NFS1: variants seen among roughly 807,000 people sequenced by gnomAD.
NFS1 encodes the protein cysteine desulfurase.
A neutral mutation model predicts 57.3 loss-of-function variants in NFS1; 26 were observed. The observed-to-expected ratio is 0.45, with a 90% CI of 0.33 to 0.63. The LOEUF is 0.63. Ranked by LOEUF, NFS1 falls within the 20% of genes least tolerant of loss-of-function variation. The pLI is 0.02. For synonymous variants in NFS1, 209 were observed against 216.3 expected, an observed-to-expected ratio of 0.97 and a Z score of 0.30; for missense variants, 505 against 605.8, an observed-to-expected ratio of 0.83 and a Z score of 1.75.
At chr20:35,678,072 G>A (rs575756377) in intron 7 of NFS1, among the ~76,000 whole-genome samples, 9 of 151,952 alleles carry the variant, frequency 5.9e-5, no homozygotes, top group Non-Finnish European at 1.0e-4. Flanking sequence ...AAATTAGGCC[G>A]GGTGTGGTGG....
In NFS1 at chr20:35,684,435, T is replaced by C. The variant is rs573145913; in HGVS notation, c.562-2454A>G. ...ATAAATAAAATAAAATAAAATAAAA[T>C]AAAATAAAATAAAATAAAATAAAAT... On this transcript the variant is annotated intron_variant, in intron 5 of 12. Coordinates refer to ENST00000374092, the MANE Select transcript of NFS1 (RefSeq NM_021100.5). Among the ~76,000 whole-genome samples, 59 of 132,022 alleles carry C rather than the reference T, an allele frequency of 4.5e-4. No individual in the cohort carries two copies. The South Asian group carries it at 0.013, about 30-fold the overall frequency. The allele number at this position is 132,022 out of a possible 152,430, so 86.6% of individuals were successfully genotyped here. A position where few individuals can be genotyped will look rare whatever the true frequency, so the allele number is the denominator to read the frequency against.
At chr20:35,698,675 G>A in intron 1 of NFS1, 85 bp from the exon 2 acceptor site, 1 of 1,482,812 alleles carries the variant, frequency 6.7e-7, no homozygotes, top group Non-Finnish European at 9.0e-7. Context: ...GGAAAAATCT[G>A]GCTGGAGGTG....
rs7267759 is a variant in NFS1 at position 35,669,362 on chromosome 20, G to T, written c.*260C>A. ...AGATGTGCCCAGCAGCAATATGACA[G>T]CAAATGTCTCTATGGCTTCGGGATG... On this transcript the variant is annotated 3_prime_UTR_variant, in exon 13 of 13. Transcript: ENST00000374092. The T allele has an allele frequency of 0.1, 38,195 of 382,406 alleles. 2,073 individuals are homozygous for T. Among genetic ancestry groups the T allele is most frequent in the South Asian group, 0.15 (3,529 of 23,570 alleles). The allele number at this position is 382,406 out of a possible 1,614,324, so 23.7% of individuals were successfully genotyped here.
At chr20:35,676,758 G>GAAAAAAAAAAAAAAAAAAA (rs746820595) in intron 7 of NFS1, among the ~76,000 whole-genome samples, 8 of 18,136 alleles carry the variant, frequency 4.4e-4, no homozygotes, top group Admixed American at 1.8e-3. Flanking sequence ...GAGAAAATCA[G>GAAAAAAAAAAAAAAAAAAA]AAAAAAAAAA....
At chr20:35,689,036 A>G (rs2034994387) in intron 5 of NFS1, among the ~76,000 whole-genome samples, 1 of 152,222 alleles carries the variant, frequency 6.6e-6, no homozygotes, top group Non-Finnish European at 1.5e-5. Context: ...GGTGGATAAG[A>G]TTCAAGAAAA....
In NFS1 at chr20:35,699,341, G is replaced by A; in HGVS notation, c.-53C>T. 4.3e-6 allele frequency: 6 copies of A among 1,384,704 alleles called. No individual in the cohort carries two copies. Among genetic ancestry groups the A allele is most frequent in the Non-Finnish European group, 5.6e-6 (6 of 1,068,108 alleles). 85.8% of individuals were successfully genotyped at this position (1,384,704 alleles called of 1,614,324 possible). On this transcript the variant is annotated 5_prime_UTR_variant, in exon 1 of 13. Coordinates refer to ENST00000374092, the MANE Select transcript of NFS1 (RefSeq NM_021100.5). The surrounding 1 kb of genome is among the most constrained non-coding windows in gnomAD (Gnocchi z 4.4). ...AAGCCGCTGCAGTCCTGGGCCCCAGGCTCCCGGAAGTGCTGCCCGGCGCTC... is the reference window on the plus strand; with the variant it reads ...AAGCCGCTGCAGTCCTGGGCCCCAGACTCCCGGAAGTGCTGCCCGGCGCTC...
At chr20:35,676,928 A>C (rs2034762899) in intron 7 of NFS1, among the ~76,000 whole-genome samples, 1 of 151,376 alleles carries the variant, frequency 6.6e-6, no homozygotes, top group Non-Finnish European at 1.5e-5. Context: ...GTGCAATGGC[A>C]CGGTCTCAGC....
At chr20:35,671,199 G>A (rs2034648420) in intron 12 of NFS1, among the ~76,000 whole-genome samples, 1 of 152,210 alleles carries the variant, frequency 6.6e-6, no homozygotes, top group South Asian at 2.1e-4. Context: ...TGCCTCCTGG[G>A]TTCACGCCAT....
chr20:35,697,566 T>C (rs768754347), intron 3 of NFS1, 118 bp downstream of exon 3: 2 of 638,350 alleles, frequency 3.1e-6, no homozygotes, highest in Non-Finnish European at 5.4e-6. Context: ...TTTGAATCTC[T>C]TCCAGAAAGA....
At chr20:35,671,723 C>T (rs1016752374) in intron 12 of NFS1, among the ~76,000 whole-genome samples, 3 of 152,012 alleles carry the variant, frequency 2.0e-5, no homozygotes, top group African/African-American at 4.8e-5. Context: ...AACTCCGTCT[C>T]TACAAAAAAT....
intron 4 of NFS1, among the ~76,000 whole-genome samples, chr20:35,691,859 A>T (rs1479061529): frequency 6.7e-6 from 1 of 149,010 alleles, no homozygotes; most frequent in East Asian, 2.0e-4. Flanking sequence ...GACCAGCCTG[A>T]CGAACATGGT....
chr20:35,682,040 A>C, intron 5 of NFS1, 59 bp from the exon 6 acceptor site: 1 of 937,940 alleles, frequency 1.1e-6, no homozygotes, highest in East Asian at 2.5e-5. Flanking sequence ...CCTAAATCAG[A>C]ATATAGGCAA....
chr20:35,683,582 C>T (rs1384199296), intron 5 of NFS1, among the ~76,000 whole-genome samples: 1 of 151,746 alleles, frequency 6.6e-6, no homozygotes, highest in Admixed American at 6.6e-5. Flanking sequence ...AGATCGAGAC[C>T]ATCCTGGCTA....
intron 3 of NFS1, among the ~76,000 whole-genome samples, chr20:35,697,238 A>T (rs1192373239): frequency 6.6e-6 from 1 of 152,098 alleles, no homozygotes; most frequent in Non-Finnish European, 1.5e-5. Flanking sequence ...CAGAGGTTGC[A>T]GTGAGCCAAG....
At chr20:35,682,958 G>T (rs1262521916) in intron 5 of NFS1, among the ~76,000 whole-genome samples, 1 of 150,996 alleles carries the variant, frequency 6.6e-6, no homozygotes, top group Non-Finnish European at 1.5e-5. Context: ...GGCACCGGTA[G>T]TCCCAGCTAC....
intron 12 of NFS1, among the ~76,000 whole-genome samples, chr20:35,670,150 T>C (rs1405396120): frequency 6.6e-6 from 1 of 152,264 alleles, no homozygotes; most frequent in Non-Finnish European, 1.5e-5. Flanking sequence ...TTTCTTGGTT[T>C]TGTTCTAGTT....
At chr20:35,672,114 C>T (rs577641806) in intron 12 of NFS1, among the ~76,000 whole-genome samples, 10 of 152,108 alleles carry the variant, frequency 6.6e-5, no homozygotes, top group African/African-American at 1.7e-4. Context: ...CCCGCCACCA[C>T]GCCCAGCTAA....
chr20:35,672,838 T>C lies in NFS1; in HGVS notation c.1227A>G (p.Gly409=). 6.3e-7 allele frequency: 1 copy of C among 1,596,524 alleles called. No individual in the cohort carries two copies. The highest frequency in any genetic ancestry group is 8.5e-7 in the Non-Finnish European group (1 of 1,171,994). The change falls in exon 12 of 13, where the codon GGA becomes GGG. Residue 409 remains glycine, a synonymous_variant. Coordinates refer to ENST00000374092, the MANE Select transcript of NFS1 (RefSeq NM_021100.5). ...CCTCCTCTGTAGTGAAGCGGCCAAT[T>C]CCAAACCTGAAAAAAGGCACAGGAG... ...EDLAHSSIRF[G]IGRFTTEEEV...
At chr20:35,695,201 G>A (rs576730300) in intron 4 of NFS1, among the ~76,000 whole-genome samples, 3 of 152,254 alleles carry the variant, frequency 2.0e-5, no homozygotes, top group Admixed American at 2.0e-4. Flanking sequence ...TCCACCTTTG[G>A]AGGAACCTTC....
Sources: allele counts gnomAD v4.1 joint callset (sites outside exome capture counted in the v4.1 genomes callset), GRCh38; gene constraint gnomAD v4.1.1; non-coding constraint Gnocchi (gnomAD v3.1); transcripts MANE v1.5; gene names NCBI Gene and HGNC (gene_info 2026-07-23, HGNC 2026-07-21).